The following TMEM140 variants were observed in gnomAD, a reference collection of about 807,000 sequenced individuals.
The protein encoded by TMEM140 is transmembrane protein 140.
For missense variants in TMEM140, 236 were observed against 228.5 expected (o/e 1.03, Z -0.21); for synonymous variants, 107 against 106.8 (o/e 1.00, Z -0.01).
chr7:135,161,301 A>T lies in TMEM140; in HGVS notation c.-24-3117A>T, dbSNP rs1431700212. On this transcript the variant is annotated intron_variant, in intron 1 of 1. Coordinates refer to ENST00000275767, the MANE Select transcript of TMEM140 (RefSeq NM_018295.5). This position sits in a 1 kb window ranked among gnomAD's most constrained non-coding sequence, Gnocchi z 4.1. ...TCCCCGAGGAGCCACATTAATTTTTAAAAAGGCAGCTGTTTTCAAAGCAAA... is the reference window on the plus strand; with the variant it reads ...TCCCCGAGGAGCCACATTAATTTTTTAAAAGGCAGCTGTTTTCAAAGCAAA... Among the ~76,000 whole-genome samples the T allele has an allele frequency of 1.3e-5, 2 of 152,230 alleles. No individual in the cohort carries two copies. The highest frequency in any genetic ancestry group is 2.9e-5 in the Non-Finnish European group (2 of 68,040).
intron 1 of TMEM140, chr7:135,152,695 G>T (rs1829694087): frequency 4.6e-5 from 7 of 152,128 alleles, no homozygotes; most frequent in Admixed American, 3.9e-4. Flanking sequence ...TCTCATCAAA[G>T]CAAGTTCTTC....
In TMEM140 at chr7:135,151,027, T is replaced by C. The variant is rs1340553848; in HGVS notation, c.-25+2757T>C. Among the ~76,000 whole-genome samples, 1 of 152,266 alleles carries C rather than the reference T, an allele frequency of 6.6e-6. No homozygotes were observed. The highest frequency in any genetic ancestry group is 1.9e-4 in the East Asian group (1 of 5,206). On this transcript the variant is annotated intron_variant, in intron 1 of 1. Coordinates refer to ENST00000275767, the MANE Select transcript of TMEM140 (RefSeq NM_018295.5). The surrounding 1 kb of genome is among the most constrained non-coding windows in gnomAD (Gnocchi z 4.3). ...AGCAAGTTAATATTAATGGAACCAT[T>C]TAAACAGCTATCTCAATGGCTTGTC... is the stretch of plus-strand genomic sequence containing the variant.
intron 1 of TMEM140, among the ~76,000 whole-genome samples, chr7:135,156,757 G>T (rs532338902): frequency 6.6e-6 from 1 of 152,226 alleles, no homozygotes; most frequent in African/African-American, 2.4e-5. Flanking sequence ...AGCTGTTGTG[G>T]TTCTTTGATG....
At chr7:135,159,365 CTCTT>C (rs1442107696) in intron 1 of TMEM140, among the ~76,000 whole-genome samples, 5 of 152,334 alleles carry the variant, frequency 3.3e-5, no homozygotes, top group Middle Eastern at 3.4e-3. Context: ...ATATTTGTGT[CTCTT>C]TCAGCCGCCA....
Position 135,160,735 on chromosome 7 carries a change from T to TAA in TMEM140, c.-24-3672_-24-3671dup, listed in dbSNP as rs11295955. On this transcript the variant is annotated intron_variant, in intron 1 of 1. Transcript: ENST00000275767. ...TATGTAGCATTTTCATTCGCTCATT[T>TAA]AAAAAAAAAAAACAAAAAAAAGAGC... 6.3e-3 allele frequency among the ~76,000 whole-genome samples: 917 copies of TAA among 145,292 alleles called. 7 individuals are homozygous for TAA. The highest frequency in any genetic ancestry group is 0.032 in the Middle Eastern group (9 of 284).
At position 135,165,150 on chromosome 7, in the gene TMEM140, G is replaced by GGGGCAGCAA. The variant is rs1830061443; in HGVS notation, c.*159_*167dup. ...GGGGCCCCTGTGTCAAAGAGGCCGA[G>GGGGCAGCAA]GGGCAGCAAGGGCAGCCAGGGCACC... is the stretch of plus-strand genomic sequence containing the variant. On this transcript the variant is annotated 3_prime_UTR_variant, in exon 2 of 2. Transcript: ENST00000275767. The GGGGCAGCAA allele has an allele frequency of 1.2e-6, 1 of 839,678 alleles. No homozygotes were observed. Among genetic ancestry groups the GGGGCAGCAA allele is most frequent in the Admixed American group, 3.0e-5 (1 of 32,832 alleles). 52.0% of individuals were successfully genotyped at this position (839,678 alleles called of 1,614,324 possible).
intron 1 of TMEM140, among the ~76,000 whole-genome samples, chr7:135,162,559 C>T (rs1174051989): frequency 1.3e-5 from 2 of 152,236 alleles, no homozygotes. Context: ...AAAAGCACAT[C>T]TTACATGGCA....
At chr7:135,158,838 G>A (rs1829859044) in intron 1 of TMEM140, among the ~76,000 whole-genome samples, 1 of 152,198 alleles carries the variant, frequency 6.6e-6, no homozygotes. Flanking sequence ...GGCAGCAAGA[G>A]CCATGTCTGT....
rs1361293454 is a variant in TMEM140, at chr7:135,151,387, G to A, written c.-25+3117G>A. 6.6e-6 allele frequency among the ~76,000 whole-genome samples: 1 copy of A among 152,150 alleles called. No individual in the cohort carries two copies. The highest frequency in any genetic ancestry group is 1.9e-4 in the East Asian group (1 of 5,192). On this transcript the variant is annotated intron_variant, in intron 1 of 1. Coordinates refer to ENST00000275767, the MANE Select transcript of TMEM140 (RefSeq NM_018295.5). The surrounding 1 kb of genome is among the most constrained non-coding windows in gnomAD (Gnocchi z 4.3). ...TGTGACAGCCACACCTAAACCATGA[G>A]CACACTGATCTTCAATGTGTTCCAC...
At position 135,161,644 on chromosome 7, in the gene TMEM140, C is replaced by T. The variant is rs1410328148; in HGVS notation, c.-24-2774C>T. 6.6e-6 allele frequency among the ~76,000 whole-genome samples: 1 copy of T among 152,224 alleles called. No individual in the cohort carries two copies. The highest frequency in any genetic ancestry group is 2.4e-5 in the African/African-American group (1 of 41,464). On this transcript the variant is annotated intron_variant, in intron 1 of 1. Transcript: ENST00000275767. This position sits in a 1 kb window ranked among gnomAD's most constrained non-coding sequence, Gnocchi z 4.1. The stretch of plus-strand genomic sequence containing the variant: ...CCATGGACTCAAATGGTTAAAACTC[C>T]TTATCATCCCAGACTAATGCCACCT...
rs292500 is a variant in TMEM140 at position 135,164,457 on chromosome 7, C to T, written c.16C>T (p.Pro6Ser). The change falls in exon 2 of 2, where the codon CCT becomes TCT. Residue 6 changes from proline to serine, a missense_variant. Coordinates refer to ENST00000275767, the MANE Select transcript of TMEM140 (RefSeq NM_018295.5). Reference sequence around the variant, plus strand: ...GGCAGTAGAGATGGCCGGCCCAAGGCCTCGGTGGCGCGACCAGCTGCTGTT... The same window carrying T: ...GGCAGTAGAGATGGCCGGCCCAAGGTCTCGGTGGCGCGACCAGCTGCTGTT... Reference protein sequence around the residue: MAGPRPRWRDQLLFMS... With the variant: MAGPRSRWRDQLLFMS... 0.034 allele frequency: 53,814 copies of T among 1,599,632 alleles called. 1,060 individuals carry two copies. The highest frequency in any genetic ancestry group is 0.039 in the Non-Finnish European group (45,815 of 1,167,732).
chr7:135,162,737 A>G (rs1327990666), intron 1 of TMEM140, among the ~76,000 whole-genome samples: 4 of 152,252 alleles, frequency 2.6e-5, no homozygotes, highest in Non-Finnish European at 5.9e-5. Flanking sequence ...ATTCAAGATG[A>G]GATTTGGGTA....
In TMEM140 at chr7:135,151,636, A is replaced by G. The variant is rs1227625519; in HGVS notation, c.-25+3366A>G. Reference sequence around the variant, plus strand: ...TCAGCATCATGACCAGAGCAGACACATTGACCCAGTTTGTGTCAGGCCCCA... The same window carrying G: ...TCAGCATCATGACCAGAGCAGACACGTTGACCCAGTTTGTGTCAGGCCCCA... On this transcript the variant is annotated intron_variant, in intron 1 of 1. Coordinates refer to ENST00000275767, the MANE Select transcript of TMEM140 (RefSeq NM_018295.5). The surrounding 1 kb of genome is among the most constrained non-coding windows in gnomAD (Gnocchi z 4.3). 6.6e-6 allele frequency among the ~76,000 whole-genome samples: 1 copy of G among 152,208 alleles called. No homozygotes were observed. The highest frequency in any genetic ancestry group is 2.4e-5 in the African/African-American group (1 of 41,442).
At chr7:135,164,264 A>G (rs1399738885) in intron 1 of TMEM140, among the ~76,000 whole-genome samples, 154 bp from the exon 2 acceptor site, 4 of 152,208 alleles carry the variant, frequency 2.6e-5, no homozygotes, top group Non-Finnish European at 5.9e-5. Context: ...TCCTGGCAGG[A>G]GGTTACCTCA....
At chr7:135,150,234 C>T (rs1214338297) in intron 1 of TMEM140, among the ~76,000 whole-genome samples, 1 of 152,138 alleles carries the variant, frequency 6.6e-6, no homozygotes, top group Non-Finnish European at 1.5e-5. Context: ...AATGAAGAAC[C>T]CTTTCAGGAC....
intron 1 of TMEM140, among the ~76,000 whole-genome samples, chr7:135,163,426 G>C (rs2117471115): frequency 6.6e-6 from 1 of 152,272 alleles, no homozygotes. Context: ...TGGATCATTT[G>C]AGGTCAGGAG....
chr7:135,160,900 A>T (rs1829918611), intron 1 of TMEM140, among the ~76,000 whole-genome samples: 1 of 152,184 alleles, frequency 6.6e-6, no homozygotes. Context: ...CATGGATCAG[A>T]TTTAGAGAAG....
chr7:135,165,340 T>C lies in TMEM140; in HGVS notation c.*341T>C, dbSNP rs1484682644. ...GGTGGGGAGGGAGTGATTGCTGTCA[T>C]GGGGCCAGACTTCCAGGCTGATTTG... On this transcript the variant is annotated 3_prime_UTR_variant, in exon 2 of 2. Coordinates refer to ENST00000275767, the MANE Select transcript of TMEM140 (RefSeq NM_018295.5). 2.6e-5 allele frequency: 6 copies of C among 233,786 alleles called. No individual in the cohort carries two copies. In the East Asian group the frequency reaches 5.1e-4, roughly 20 times the overall value. 14.5% of individuals were successfully genotyped at this position (233,786 alleles called of 1,614,324 possible).
chr7:135,162,003 A>T (rs1039325051), intron 1 of TMEM140, among the ~76,000 whole-genome samples: 3 of 152,260 alleles, frequency 2.0e-5, no homozygotes, highest in Non-Finnish European at 4.4e-5. Flanking sequence ...TCCATCAGCC[A>T]GCCTGCCCAG....
Sources: gnomAD v4.1 joint callset for allele counts (sites outside exome capture counted in the v4.1 genomes callset) on GRCh38, gnomAD v4.1.1 for gene constraint, Gnocchi (gnomAD v3.1) non-coding constraint, MANE v1.5 for transcripts, NCBI Gene and HGNC (gene_info 2026-07-23, HGNC 2026-07-21) for gene names.